Variants in WDR27 observed in about 807,000 individuals in gnomAD.
The protein encoded by WDR27 is WD repeat domain 27.
Under a neutral mutation model 114.4 loss-of-function variants are expected in WDR27, and 100 were observed. That is an observed-to-expected ratio of 0.87 (90% CI 0.74 to 1.03). The LOEUF (loss-of-function observed/expected upper bound fraction) is 1.03, where lower values mean the gene tolerates loss of function less well. WDR27 is among the 50% of genes least tolerant of loss of function. The pLI is 0.00. For missense variants in WDR27, 1,129 were observed against 1,092.9 expected (o/e 1.03, Z -0.47); for synonymous variants, 449 against 423.1 (o/e 1.06, Z -0.75).
At chr6:169,689,323 C>T in intron 1 of WDR27, 1 of 216,178 alleles carries the variant, frequency 4.6e-6, no homozygotes. Context: ...CAAATGAGAA[C>T]AGTTACTGAG....
chr6:169,599,893 G>A (rs916647250), intron 23 of WDR27, among the ~76,000 whole-genome samples: 6 of 151,680 alleles, frequency 4.0e-5, no homozygotes, highest in African/African-American at 1.5e-4. Context: ...TCTCTTGTGG[G>A]CATTTAGTGC....
At chr6:169,636,643 C>A in intron 18 of WDR27, 139 bp from the exon 19 acceptor site, 2 of 820,460 alleles carry the variant, frequency 2.4e-6, no homozygotes, top group Non-Finnish European at 3.5e-6. Context: ...TAGACCCAAT[C>A]TACAATTTTT....
Position 169,649,305 on chromosome 6 carries a change from C to A in WDR27, c.1482-30G>T. 6.6e-7 allele frequency: 1 copy of A among 1,520,650 alleles called. No individual in the cohort carries two copies. The highest frequency in any genetic ancestry group is 8.9e-7 in the Non-Finnish European group (1 of 1,117,526). The allele number at this position is 1,520,650 out of a possible 1,614,324, so 94.2% of individuals were successfully genotyped here. ...GGAAAGAAAACTCTAATATCACTCT[C>A]AAATATTAAGAGGTCTAAGTTTCTT... On this transcript the variant is annotated intron_variant, in intron 14 of 25. Transcript: ENST00000448612.
intron 24 of WDR27, among the ~76,000 whole-genome samples, chr6:169,578,935 A>T (rs1802906250): frequency 6.6e-6 from 1 of 152,192 alleles, no homozygotes. Flanking sequence ...CGTAGACGTC[A>T]TCACACTCCA....
At chr6:169,689,108 C>A in intron 1 of WDR27, 96 bp from the exon 2 acceptor site, 1 of 711,764 alleles carries the variant, frequency 1.4e-6, no homozygotes. Flanking sequence ...TTTGACCACA[C>A]ACATATACCA....
Position 169,481,153 on chromosome 6 carries a change from C to T in WDR27, c.2646-23519G>A, listed in dbSNP as rs111830096. On this transcript the variant is annotated intron_variant, in intron 25 of 25. Coordinates refer to ENST00000448612, the MANE Select transcript of WDR27 (RefSeq NM_182552.5). ...CTGTGTCTAGCTAAAGGTTTGTAAA[C>T]GCACCAATCAGTGCTCTGTGTCTAG... 4.9e-3 allele frequency among the ~76,000 whole-genome samples: 749 copies of T among 151,626 alleles called. 7 individuals carry two copies. The highest frequency in any genetic ancestry group is 0.016 in the African/African-American group (678 of 41,284).
intron 22 of WDR27, among the ~76,000 whole-genome samples, chr6:169,611,764 G>A (rs1401356140): frequency 6.6e-6 from 1 of 152,122 alleles, no homozygotes. Flanking sequence ...CAATATCACT[G>A]TCTTCCCCTC....
At chr6:169,491,481 TC>T (rs1789750722) in intron 25 of WDR27, among the ~76,000 whole-genome samples, 1 of 151,838 alleles carries the variant, frequency 6.6e-6, no homozygotes, top group African/African-American at 2.4e-5. Flanking sequence ...TCTCTTTATT[TC>T]ATATATATAG....
chr6:169,666,827 A>C, intron 6 of WDR27: 2 of 985,488 alleles, frequency 2.0e-6, no homozygotes, highest in Non-Finnish European at 2.4e-6. Context: ...GTGTTTCTAC[A>C]GAGAGCAGAA....
At chr6:169,564,096 T>C (rs1800075690) in intron 25 of WDR27, among the ~76,000 whole-genome samples, 2 of 152,224 alleles carry the variant, frequency 1.3e-5, no homozygotes, top group African/African-American at 4.8e-5. Flanking sequence ...GCAAACAATG[T>C]AGCCTTCAGT....
the WDR27 span, among the ~76,000 whole-genome samples, chr6:169,433,636 C>T: frequency 8.9e-3 from 1,347 of 152,160 alleles, 12 homozygotes; most frequent in African/African-American, 0.03. Context: ...AAATGGTATT[C>T]CTGGTTCTAG....
At chr6:169,619,284 A>T (rs1444125975) in intron 21 of WDR27, among the ~76,000 whole-genome samples, 1 of 152,190 alleles carries the variant, frequency 6.6e-6, no homozygotes, top group African/African-American at 2.4e-5. Flanking sequence ...AAAGCGAGGC[A>T]CATCTACACA....
chr6:169,479,971 T>C (rs1223941311), intron 25 of WDR27, among the ~76,000 whole-genome samples: 1 of 152,210 alleles, frequency 6.6e-6, no homozygotes, highest in African/African-American at 2.4e-5. Flanking sequence ...CACTGCACTG[T>C]GGGAGCCCCT....
chr6:169,587,026 C>T (rs891653051), intron 23 of WDR27, among the ~76,000 whole-genome samples: 1 of 151,606 alleles, frequency 6.6e-6, no homozygotes, highest in Non-Finnish European at 1.5e-5. Context: ...AGGACAGCCC[C>T]GATCACAAGC....
At chr6:169,500,486 G>A (rs1791034446) in intron 25 of WDR27, among the ~76,000 whole-genome samples, 1 of 152,110 alleles carries the variant, frequency 6.6e-6, no homozygotes, top group African/African-American at 2.4e-5. Context: ...TCACCTCAGG[G>A]CCACACTAAC....
chr6:169,608,823 A>C (rs1258556894), intron 22 of WDR27, among the ~76,000 whole-genome samples: 2 of 152,168 alleles, frequency 1.3e-5, no homozygotes, highest in Non-Finnish European at 2.9e-5. Context: ...CACAGTCCAA[A>C]GTCTCATCTG....
intron 24 of WDR27, among the ~76,000 whole-genome samples, chr6:169,574,927 C>T (rs540081474): frequency 2.6e-5 from 4 of 152,314 alleles, no homozygotes; most frequent in South Asian, 4.1e-4. Context: ...TGCAATCCAT[C>T]GAATCCTGCC....
chr6:169,609,224 G>A (rs1309788916), intron 22 of WDR27, among the ~76,000 whole-genome samples: 1 of 152,192 alleles, frequency 6.6e-6, no homozygotes, highest in East Asian at 1.9e-4. Context: ...TCATTCTGGG[G>A]TCTGGAGGAT....
chr6:169,468,560 T>C (rs1785916475), intron 25 of WDR27, among the ~76,000 whole-genome samples: 1 of 152,098 alleles, frequency 6.6e-6, no homozygotes, highest in Non-Finnish European at 1.5e-5. Flanking sequence ...TTCAATTACC[T>C]CCCACCAGGT....
Sources: gnomAD v4.1 joint callset for allele counts (sites outside exome capture counted in the v4.1 genomes callset) on GRCh38, gnomAD v4.1.1 for gene constraint, MANE v1.5 for transcripts, NCBI Gene and HGNC (gene_info 2026-07-23, HGNC 2026-07-21) for gene names.